The following SMG1 variants were observed in gnomAD, a reference collection of about 807,000 sequenced individuals.
SMG1 encodes SMG1 nonsense mediated mRNA decay associated PI3K related kinase.
In SMG1, 22 loss-of-function variants were observed where a neutral mutation model predicts 419.9. The observed-to-expected ratio is 0.05, with a 90% CI of 0.04 to 0.07. SMG1 has a LOEUF of 0.07. Among genes scored for constraint, SMG1 ranks in the 10% least tolerant of loss-of-function variants. The pLI, the probability that SMG1 is intolerant of heterozygous loss-of-function variation, is 1.00. For missense variants in SMG1, 3,185 were observed against 4,342.0 expected, an observed-to-expected ratio of 0.73 and a Z score of 7.49; for synonymous variants, 1,538 against 1,553.5, an observed-to-expected ratio of 0.99 and a Z score of 0.23.
chr16:18,849,470 G>A (rs2034471146), intron 35 of SMG1, 92 bp from the exon 36 acceptor site: 1 of 1,226,314 alleles, frequency 8.2e-7, no homozygotes, highest in South Asian at 1.4e-5. Context: ...AAAACGTGAT[G>A]TGTGTCGGCA....
rs1338226933 is a variant in SMG1 at position 18,841,264 on chromosome 16, G to T, written c.6696+301C>A. ...AAAATACAAAAATTACCCAGGTGTG[G>T]TTGTGCGCCCCCCATAGTTCCCGCT... On this transcript the variant is annotated intron_variant, in intron 41 of 62. Transcript: ENST00000446231. Among the ~76,000 whole-genome samples the T allele has an allele frequency of 2.0e-5, 3 of 151,848 alleles. No individual in the cohort carries two copies. The East Asian group carries it at 5.8e-4, about 29-fold the overall frequency.
chr16:18,871,097 A>G (rs1214216600), intron 16 of SMG1, among the ~76,000 whole-genome samples: 1 of 152,246 alleles, frequency 6.6e-6, no homozygotes, highest in Admixed American at 6.5e-5. Flanking sequence ...CTGATGGGTC[A>G]TCACACAAAA....
At chr16:18,820,322 C>G (rs1316020565) in intron 55 of SMG1, among the ~76,000 whole-genome samples, 1 of 151,972 alleles carries the variant, frequency 6.6e-6, no homozygotes, top group Non-Finnish European at 1.5e-5. Flanking sequence ...CCCACCTCAG[C>G]TTCCAAAGAA....
chr16:18,885,460 T>C lies in SMG1; in HGVS notation c.948+81A>G, dbSNP rs557829673. 1.9e-5 allele frequency: 29 copies of C among 1,538,796 alleles called. No homozygotes were observed. The East Asian group carries it at 6.1e-4, about 32-fold the overall frequency. On this transcript the variant is annotated intron_variant, in intron 7 of 62. Transcript: ENST00000446231. ...ATATTCAAAGGAGCTGAGGCATTGTTTTCCATCTGTTTCCTCAGATCCTCA... is the reference window on the plus strand; with the variant it reads ...ATATTCAAAGGAGCTGAGGCATTGTCTTCCATCTGTTTCCTCAGATCCTCA...
In SMG1 at chr16:18,819,707, A is replaced by G. The variant is rs1033584268; in HGVS notation, c.9742-53T>C. On this transcript the variant is annotated intron_variant, in intron 55 of 62. Transcript: ENST00000446231. ...AGGTATATGACATTCTCTACTTCCT[A>G]TTTGTGGAGTATTTTATATAACACA... 3.5e-6 allele frequency: 5 copies of G among 1,442,464 alleles called. No homozygotes were observed. The African/African-American group carries it at 7.2e-5, about 21-fold the overall frequency. 89.4% of individuals were successfully genotyped at this position (1,442,464 alleles called of 1,614,324 possible).
chr16:18,847,689 A>AGTGT lies in SMG1; in HGVS notation c.5842-86_5842-83dup. ...TTCAAACACTGGACTTTGTAAGTTA[A>AGTGT]GTGTGTGCAATTGGTGCTCATTATA... On this transcript the variant is annotated intron_variant, in intron 37 of 62. Coordinates refer to ENST00000446231, the MANE Select transcript of SMG1 (RefSeq NM_015092.5). 1.9e-6 allele frequency: 3 copies of AGTGT among 1,572,392 alleles called. No individual in the cohort carries two copies. The South Asian group carries it at 3.4e-5, about 18-fold the overall frequency.
intron 60 of SMG1, among the ~76,000 whole-genome samples, chr16:18,812,824 C>A (rs2031595054): frequency 6.6e-6 from 1 of 152,048 alleles, no homozygotes; most frequent in Non-Finnish European, 1.5e-5. Context: ...TCTCCTGTCC[C>A]CCCACCCACA....
chr16:18,874,560 T>TAACA, intron 13 of SMG1, among the ~76,000 whole-genome samples: 1 of 110,672 alleles, frequency 9.0e-6, no homozygotes, highest in East Asian at 2.6e-4. Context: ...TCGAATTACT[T>TAACA]AAAAAAAAAA....
At chr16:18,846,409 C>A (rs2034270738) in intron 38 of SMG1, among the ~76,000 whole-genome samples, 1 of 152,066 alleles carries the variant, frequency 6.6e-6, no homozygotes, top group Admixed American at 6.6e-5. Context: ...TCAAAAAATA[C>A]TATACACTAT....
intron 38 of SMG1, 151 bp downstream of exon 38, chr16:18,847,302 A>G: frequency 1.3e-6 from 1 of 768,026 alleles, no homozygotes; most frequent in Non-Finnish European, 2.1e-6. Context: ...AGTTCTGGAA[A>G]TGGACCGTGG....
At chr16:18,862,710 T>A (rs1192497582) in intron 25 of SMG1, among the ~76,000 whole-genome samples, 3 of 152,122 alleles carry the variant, frequency 2.0e-5, no homozygotes, top group Non-Finnish European at 4.4e-5. Context: ...TCACAACACA[T>A]CTCTGTTCAA....
At chr16:18,911,990 A>G (rs1326791644) in intron 1 of SMG1, among the ~76,000 whole-genome samples, 1 of 150,680 alleles carries the variant, frequency 6.6e-6, no homozygotes, top group South Asian at 2.1e-4. Flanking sequence ...CTGAGGCAGG[A>G]GAATCGCTTG....
chr16:18,810,900 C>T (rs902550208), intron 62 of SMG1, among the ~76,000 whole-genome samples: 2 of 152,088 alleles, frequency 1.3e-5, no homozygotes, highest in African/African-American at 4.8e-5. Context: ...TGCATACACA[C>T]ACAGAACAAT....
chr16:18,852,724 T>C (rs1343922835), intron 31 of SMG1, among the ~76,000 whole-genome samples: 1 of 152,254 alleles, frequency 6.6e-6, no homozygotes, highest in Non-Finnish European at 1.5e-5. Flanking sequence ...TTCATGACAC[T>C]GAACATTGTA....
intron 45 of SMG1, 36 bp downstream of exon 45, chr16:18,837,974 TAAAA>T: frequency 6.3e-7 from 1 of 1,593,972 alleles, no homozygotes; most frequent in East Asian, 2.2e-5. Context: ...ACTCTATTAA[TAAAA>T]AGAAGACAAT....
chr16:18,891,561 T>C (rs1430337998), intron 4 of SMG1, among the ~76,000 whole-genome samples: 1 of 152,026 alleles, frequency 6.6e-6, no homozygotes, highest in Non-Finnish European at 1.5e-5. Flanking sequence ...CAGCCTCCCA[T>C]GTAGCTGGAA....
chr16:18,922,225 C>T (rs968961444), intron 1 of SMG1, among the ~76,000 whole-genome samples: 59 of 152,224 alleles, frequency 3.9e-4, no homozygotes, highest in African/African-American at 1.3e-3. Context: ...GATTATCTTC[C>T]AAACTAAGGT....
chr16:18,840,559 G>A (rs1398566104), intron 41 of SMG1, among the ~76,000 whole-genome samples: 1 of 152,068 alleles, frequency 6.6e-6, no homozygotes, highest in African/African-American at 2.4e-5. Context: ...AATATCCTAA[G>A]AGCTTAGTAC....
rs2037109692 is a variant in SMG1, at chr16:18,896,032, C to T, written c.412+20G>A. On this transcript the variant is annotated intron_variant, in intron 3 of 62. Coordinates refer to ENST00000446231, the MANE Select transcript of SMG1 (RefSeq NM_015092.5). ...TCTTTGGAAGGTGTATGTGATTGGTCCCCGTTTTCCCAGCCTTACCCTGTG... is the reference window on the plus strand; with the variant it reads ...TCTTTGGAAGGTGTATGTGATTGGTTCCCGTTTTCCCAGCCTTACCCTGTG... 1.9e-6 allele frequency: 3 copies of T among 1,611,050 alleles called. No individual in the cohort carries two copies. The highest frequency in any genetic ancestry group is 2.5e-6 in the Non-Finnish European group (3 of 1,179,122).
Sources: gnomAD v4.1 joint callset for allele counts (sites outside exome capture counted in the v4.1 genomes callset) on GRCh38, gnomAD v4.1.1 for gene constraint, MANE v1.5 for transcripts, NCBI Gene and HGNC (gene_info 2026-07-23, HGNC 2026-07-21) for gene names.